The following KIAA1549L variants were observed in gnomAD, a reference collection of about 807,000 sequenced individuals.
The protein encoded by KIAA1549L is KIAA1549 like.
KIAA1549L carries 88 observed loss-of-function variants against 160.7 expected under a neutral mutation model. The observed-to-expected ratio is 0.55, with a 90% confidence interval of 0.46 to 0.65. The LOEUF (loss-of-function observed/expected upper bound fraction) is 0.65. Ranked by LOEUF, KIAA1549L falls within the 30% of genes least tolerant of loss-of-function variation. KIAA1549L has a pLI of 0.00. For missense variants in KIAA1549L, 2,258 were observed against 2,437.5 expected (o/e 0.93, Z 1.55); for synonymous variants, 950 against 976.7 (o/e 0.97, Z 0.51).
At chr11:33,645,596 C>T in intron 16 of KIAA1549L, 90 bp from the exon 17 acceptor site, 3 of 940,768 alleles carry the variant, frequency 3.2e-6, no homozygotes, top group Non-Finnish European at 5.0e-6. Flanking sequence ...CATCCTAGCA[C>T]CTGTCCAAGT....
At chr11:33,515,314 G>A (rs954947416) in intron 1 of KIAA1549L, among the ~76,000 whole-genome samples, 7 of 152,126 alleles carry the variant, frequency 4.6e-5, no homozygotes, top group Non-Finnish European at 2.9e-5. Context: ...CTCTGTTTTG[G>A]CATGTATGTG....
At chr11:33,660,835 C>T (rs1440576781) in intron 19 of KIAA1549L, 28 bp from the exon 20 acceptor site, 4 of 1,611,070 alleles carry the variant, frequency 2.5e-6, no homozygotes, top group Middle Eastern at 1.7e-4. Context: ...CCTCTCTTAA[C>T]CTCCCTCCTC....
rs1001159215 is a variant in KIAA1549L at position 33,540,735 on chromosome 11, G to A, written c.239-1067G>A. 2.0e-5 allele frequency among the ~76,000 whole-genome samples: 3 copies of A among 152,158 alleles called. No individual in the cohort carries two copies. The East Asian group carries it at 5.8e-4, about 29-fold the overall frequency. On this transcript the variant is annotated intron_variant, in intron 1 of 20. Coordinates refer to ENST00000658780, the MANE Select transcript of KIAA1549L (RefSeq NM_012194.3). ...TTTATCACTTATTTCTATTTGAGGT[G>A]GGCCAGTGGAGGCCAGAGGGAGCTT... is the stretch of plus-strand genomic sequence containing the variant.
At chr11:33,379,772 A>G (rs930717149) in intron 1 of KIAA1549L, among the ~76,000 whole-genome samples, 4 of 152,336 alleles carry the variant, frequency 2.6e-5, no homozygotes, top group African/African-American at 9.6e-5. Flanking sequence ...TAAAGCATCT[A>G]AAGTGTTTCA....
chr11:33,382,973 A>C (rs1850101874), intron 1 of KIAA1549L, among the ~76,000 whole-genome samples: 1 of 152,180 alleles, frequency 6.6e-6, no homozygotes, highest in Admixed American at 6.5e-5. Flanking sequence ...AAAGTGTATT[A>C]AATATTAAAA....
Position 33,544,039 on chromosome 11 carries a change from C to T in KIAA1549L, c.2476C>T (p.Arg826Ter), listed in dbSNP as rs1460321163. ...AEVAYYSPTT[R>*]HSVSHPQLQL... ...AGTTGCATATTACTCACCCACAACT[C>T]GACATTCCGTGTCTCATCCTCAGCT... The change falls in exon 2 of 21, where the codon CGA (arginine) becomes TGA (stop). Residue 826 changes from arginine to a stop codon, truncating the protein, a stop_gained. Transcript: ENST00000658780. LOFTEE classifies it high-confidence loss of function. 6.8e-6 allele frequency: 11 copies of T among 1,613,874 alleles called. No individual in the cohort carries two copies. The highest frequency in any genetic ancestry group is 1.7e-5 in the Admixed American group (1 of 60,006).
At chr11:33,547,920 C>T in intron 4 of KIAA1549L, 41 bp downstream of exon 4, 1 of 1,297,224 alleles carries the variant, frequency 7.7e-7, no homozygotes, top group African/African-American at 1.5e-5. Flanking sequence ...CCATCACAGT[C>T]TGGCTCTTGG....
intron 1 of KIAA1549L, among the ~76,000 whole-genome samples, chr11:33,536,308 G>T (rs953421868): frequency 6.6e-6 from 1 of 152,242 alleles, no homozygotes; most frequent in Non-Finnish European, 1.5e-5. Context: ...CTGGGCCTCA[G>T]TTGGGACGAT....
intron 19 of KIAA1549L, among the ~76,000 whole-genome samples, chr11:33,659,708 C>G (rs1321016): frequency 0.28 from 42,688 of 152,096 alleles, 6,103 homozygotes; most frequent in South Asian, 0.37. Flanking sequence ...TTTTTCTTGG[C>G]GCTTTAAAAA....
In KIAA1549L at chr11:33,542,608, G is replaced by A. The variant is rs1000449684; in HGVS notation, c.1045G>A (p.Ala349Thr). 2 of 1,613,758 alleles carry A rather than the reference G, an allele frequency of 1.2e-6. No homozygotes were observed. Among genetic ancestry groups the A allele is most frequent in the Admixed American group, 1.7e-5 (1 of 59,986 alleles). ...CACACCTGGGTTTTTGAGCCCCATG[G>A]CAGAACTGTCCCATCCGTCTCCCCC... The part of the protein sequence containing the change: ...SSTPGFLSPM[A>T]ELSHPSPPPP... Residue 349 changes from alanine to threonine, a missense_variant, in exon 2 of 21, where the codon GCA becomes ACA. Transcript: ENST00000658780.
intron 1 of KIAA1549L, among the ~76,000 whole-genome samples, chr11:33,490,391 T>C (rs1732854420): frequency 6.6e-6 from 1 of 151,614 alleles, no homozygotes; most frequent in Admixed American, 6.6e-5. Context: ...TAGTGCAATC[T>C]TGGCTCACTG....
chr11:33,412,478 G>A (rs796768287), intron 1 of KIAA1549L, among the ~76,000 whole-genome samples: 3 of 152,224 alleles, frequency 2.0e-5, no homozygotes, highest in Non-Finnish European at 4.4e-5. Context: ...AAATAAGACT[G>A]TGTGGGCTGG....
At chr11:33,399,154 T>C (rs758752591) in intron 1 of KIAA1549L, among the ~76,000 whole-genome samples, 4 of 152,174 alleles carry the variant, frequency 2.6e-5, no homozygotes, top group Non-Finnish European at 5.9e-5. Flanking sequence ...GGTTTCACCA[T>C]GTTGGCCAGG....
chr11:33,441,289 A>G (rs905019868), intron 1 of KIAA1549L, among the ~76,000 whole-genome samples: 5 of 151,846 alleles, frequency 3.3e-5, no homozygotes, highest in African/African-American at 4.8e-5. Context: ...CATGGTGTAT[A>G]TGTGCCACAT....
chr11:33,397,719 CA>C (rs1850411042), intron 1 of KIAA1549L, among the ~76,000 whole-genome samples: 1 of 24,340 alleles, frequency 4.1e-5, no homozygotes, highest in African/African-American at 1.1e-4. Context: ...CTCACACACA[CA>C]CACACACACA....
chr11:33,461,834 C>T (rs1851948310), intron 1 of KIAA1549L, among the ~76,000 whole-genome samples: 1 of 152,180 alleles, frequency 6.6e-6, no homozygotes, highest in African/African-American at 2.4e-5. Context: ...CGAGAGATAG[C>T]TTGTCTAGGA....
At chr11:33,409,589 A>C (rs1186164465) in intron 1 of KIAA1549L, among the ~76,000 whole-genome samples, 1 of 152,186 alleles carries the variant, frequency 6.6e-6, no homozygotes, top group Non-Finnish European at 1.5e-5. Context: ...AAATCAGTGA[A>C]GATCAGTTGC....
At chr11:33,555,755 C>A (rs557862677) in intron 6 of KIAA1549L, among the ~76,000 whole-genome samples, 27 of 152,132 alleles carry the variant, frequency 1.8e-4, no homozygotes, top group African/African-American at 6.0e-4. Context: ...CAGTATTTGG[C>A]AATGATTTGT....
intron 1 of KIAA1549L, among the ~76,000 whole-genome samples, chr11:33,477,859 A>C (rs1590274565): frequency 6.6e-6 from 1 of 150,594 alleles, no homozygotes; most frequent in Non-Finnish European, 1.5e-5. Context: ...ATGCATACAC[A>C]CACACACACA....
Sources: allele counts gnomAD v4.1 joint callset (sites outside exome capture counted in the v4.1 genomes callset), GRCh38; gene constraint gnomAD v4.1.1; transcripts MANE v1.5; gene names NCBI Gene and HGNC (gene_info 2026-07-23, HGNC 2026-07-21).